Variants in ST18 observed in about 807,000 individuals in gnomAD.
ST18 encodes the protein ST18 C2H2C-type zinc finger transcription factor.
In ST18, 50 loss-of-function variants were observed where a neutral mutation model predicts 110.0. That is an observed-to-expected ratio of 0.45 (90% CI 0.36 to 0.58). The LOEUF (loss-of-function observed/expected upper bound fraction) is 0.58. Ranked by LOEUF, ST18 falls within the 20% of genes least tolerant of loss-of-function variation. The pLI, the probability that ST18 is intolerant of heterozygous loss-of-function variation, is 0.00. For missense variants in ST18, 1,306 were observed against 1,280.1 expected (o/e 1.02, Z -0.31); for synonymous variants, 461 against 452.4 (o/e 1.02, Z -0.24).
chr8:52,185,805 A>C (rs1009918561), intron 8 of ST18, among the ~76,000 whole-genome samples: 1 of 152,154 alleles, frequency 6.6e-6, no homozygotes, highest in African/African-American at 2.4e-5. Flanking sequence ...TAAAATAATA[A>C]AACTTCTAGA....
At chr8:52,342,670 C>G (rs1815676669) in intron 2 of ST18, among the ~76,000 whole-genome samples, 1 of 152,042 alleles carries the variant, frequency 6.6e-6, no homozygotes, top group African/African-American at 2.4e-5. Context: ...TGGGGTGGTT[C>G]CTGAGACTCT....
intron 17 of ST18, chr8:52,137,832 G>T (rs1022808519): frequency 5.7e-5 from 12 of 209,534 alleles, no homozygotes; most frequent in Non-Finnish European, 1.1e-4. Context: ...GCCGGGCATG[G>T]TGGCTCACGC....
At chr8:52,227,786 C>T (rs1253894420) in intron 3 of ST18, among the ~76,000 whole-genome samples, 2 of 152,080 alleles carry the variant, frequency 1.3e-5, no homozygotes, top group South Asian at 2.1e-4. Context: ...ATTCCAATAG[C>T]GTTTTGATGG....
chr8:52,279,594 TA>T (rs2095336936), intron 2 of ST18, among the ~76,000 whole-genome samples: 1 of 151,982 alleles, frequency 6.6e-6, no homozygotes, highest in African/African-American at 2.4e-5. Flanking sequence ...TACAAGACAG[TA>T]AAAATACAGA....
At chr8:52,175,208 T>C (rs2066443179) in intron 9 of ST18, among the ~76,000 whole-genome samples, 1 of 152,154 alleles carries the variant, frequency 6.6e-6, no homozygotes, top group African/African-American at 2.4e-5. Context: ...CCAATAGGTA[T>C]CCAGTCAAGG....
At chr8:52,282,068 C>T (rs1414765357) in intron 2 of ST18, among the ~76,000 whole-genome samples, 2 of 152,178 alleles carry the variant, frequency 1.3e-5, no homozygotes, top group African/African-American at 2.4e-5. Context: ...AAAAGCTAAG[C>T]TCTCTGGAAC....
chr8:52,303,931 C>G (rs1589752248), intron 2 of ST18, among the ~76,000 whole-genome samples: 1 of 152,110 alleles, frequency 6.6e-6, no homozygotes, highest in African/African-American at 2.4e-5. Flanking sequence ...GAGTTAATTT[C>G]CTGATTTTCA....
At chr8:52,377,001 G>T (rs1832658083) in intron 2 of ST18, among the ~76,000 whole-genome samples, 1 of 152,104 alleles carries the variant, frequency 6.6e-6, no homozygotes, top group Non-Finnish European at 1.5e-5. Context: ...TCTCTCTAGG[G>T]TTAACACTGA....
intron 13 of ST18, among the ~76,000 whole-genome samples, chr8:52,162,227 C>T (rs1323250880): frequency 2.0e-5 from 3 of 152,076 alleles, no homozygotes; most frequent in Admixed American, 6.6e-5. Context: ...AACAAAAAAG[C>T]CATGTTACCA....
chr8:52,388,857 C>A (rs7004370), intron 2 of ST18, among the ~76,000 whole-genome samples: 1 of 135,906 alleles, frequency 7.4e-6, no homozygotes, highest in Non-Finnish European at 1.5e-5. Flanking sequence ...GGAGATATAC[C>A]TAATGCTAAA....
intron 22 of ST18, among the ~76,000 whole-genome samples, chr8:52,126,992 CTG>C (rs1438377500): frequency 1.3e-5 from 2 of 152,180 alleles, no homozygotes; most frequent in Non-Finnish European, 2.9e-5. Flanking sequence ...TGCAATCTTG[CTG>C]TGTTTTCGTA....
chr8:52,151,552 C>A (rs1011802376), intron 15 of ST18, among the ~76,000 whole-genome samples: 1 of 152,188 alleles, frequency 6.6e-6, no homozygotes, highest in East Asian at 1.9e-4. Flanking sequence ...CATTTTTATA[C>A]CAGCATTAAT....
At chr8:52,339,418 A>G (rs1813788715) in intron 2 of ST18, among the ~76,000 whole-genome samples, 1 of 152,218 alleles carries the variant, frequency 6.6e-6, no homozygotes, top group Admixed American at 6.5e-5. Flanking sequence ...AACCGACTGT[A>G]CCACACGACA....
rs770767767 is a variant in ST18 at position 52,165,178 on chromosome 8, T to C, written c.1252A>G (p.Thr418Ala). ...TTGCTGTTCACATGACCCCTTCCTG[T>C]GCATCCCGGCGTGGGACACTTGAGC... Reference protein sequence around the residue: ...NVLKCPTPGCTGRGHVNSNRN... With the variant: ...NVLKCPTPGCAGRGHVNSNRN... Residue 418 changes from threonine (T) to alanine (A), a missense_variant, in exon 12 of 26, where the codon ACA (threonine) becomes GCA (alanine). Thr to Ala is a moderately conservative substitution (Grantham distance 58). Transcript: ENST00000689386. The C allele has an allele frequency of 5.6e-6, 9 of 1,614,228 alleles. No individual in the cohort carries two copies. Among genetic ancestry groups the C allele is most frequent in the Non-Finnish European group, 7.6e-6 (9 of 1,180,040 alleles).
chr8:52,212,210 G>A, intron 7 of ST18, 101 bp from the exon 8 acceptor site: 1 of 1,079,796 alleles, frequency 9.3e-7, no homozygotes, highest in Non-Finnish European at 1.3e-6. Flanking sequence ...CGACCAATAA[G>A]TTTCTCACTG....
At chr8:52,203,545 T>C (rs2078787078) in intron 8 of ST18, among the ~76,000 whole-genome samples, 1 of 151,938 alleles carries the variant, frequency 6.6e-6, no homozygotes. Flanking sequence ...TTTATTTCAG[T>C]TCACATTTTA....
intron 9 of ST18, among the ~76,000 whole-genome samples, chr8:52,175,439 C>T (rs906401809): frequency 6.6e-6 from 1 of 152,166 alleles, no homozygotes; most frequent in Non-Finnish European, 1.5e-5. Context: ...CCTTTGGAAA[C>T]TATGAGTGAG....
intron 2 of ST18, among the ~76,000 whole-genome samples, chr8:52,357,232 C>G (rs1206222912): frequency 1.3e-5 from 2 of 152,000 alleles, no homozygotes; most frequent in Non-Finnish European, 2.9e-5. Flanking sequence ...TGTAATTACA[C>G]TCTTGTACAC....
At chr8:52,341,779 C>T (rs1023276913) in intron 2 of ST18, among the ~76,000 whole-genome samples, 5 of 152,308 alleles carry the variant, frequency 3.3e-5, no homozygotes, top group Non-Finnish European at 5.9e-5. Context: ...ATCCAAGATC[C>T]GTGGCTTTCA....
Sources: gnomAD v4.1 joint callset for allele counts (sites outside exome capture counted in the v4.1 genomes callset) on GRCh38, gnomAD v4.1.1 for gene constraint, MANE v1.5 for transcripts, NCBI Gene and HGNC (gene_info 2026-07-23, HGNC 2026-07-21) for gene names.